The following GNG4 variants were observed in gnomAD, a reference collection of about 807,000 sequenced individuals.
GNG4 encodes guanine nucleotide-binding protein G(I)/G(S)/G(O) subunit gamma-4.
Under a neutral mutation model 5.8 loss-of-function variants are expected in GNG4, and 4 were observed. The ratio of observed to expected loss-of-function variants is 0.69; its 90% CI spans 0.34 to 1.57. GNG4 has a LOEUF of 1.57. GNG4 is among the 40% of genes most tolerant of loss of function. GNG4 has a pLI of 0.06. For synonymous variants in GNG4, 29 were observed against 32.9 expected, an observed-to-expected ratio of 0.88 and a Z score of 0.41; for missense variants, 96 against 95.1, an observed-to-expected ratio of 1.01 and a Z score of -0.04.
At chr1:235,580,739 G>A (rs1199422394) in intron 3 of GNG4, among the ~76,000 whole-genome samples, 4 of 98,048 alleles carry the variant, frequency 4.1e-5, no homozygotes, top group Non-Finnish European at 7.4e-5. Context: ...GGCCTATCCC[G>A]TTTTTTGTTT....
chr1:235,637,163 T>C (rs1558505466), intron 1 of GNG4, among the ~76,000 whole-genome samples: 1 of 152,110 alleles, frequency 6.6e-6, no homozygotes, highest in Non-Finnish European at 1.5e-5. Context: ...CAAATGCTAG[T>C]GATTGCTCCT....
intron 3 of GNG4, among the ~76,000 whole-genome samples, chr1:235,563,435 G>A (rs1032608869): frequency 3.0e-5 from 4 of 134,292 alleles, no homozygotes; most frequent in African/African-American, 5.5e-5. Flanking sequence ...AAAAAAAAGC[G>A]TTTTATCTTT....
chr1:235,594,323 T>C (rs1363935211), intron 2 of GNG4, among the ~76,000 whole-genome samples: 1 of 152,022 alleles, frequency 6.6e-6, no homozygotes, highest in African/African-American at 2.4e-5. Flanking sequence ...TAGCTAGACA[T>C]AAAGTTTCTC....
intron 2 of GNG4, among the ~76,000 whole-genome samples, chr1:235,587,192 T>C (rs556487927): frequency 7.5e-6 from 1 of 133,380 alleles, no homozygotes; most frequent in East Asian, 2.3e-4. Context: ...GGTGAGTGTG[T>C]GTGACAGAAA....
At chr1:235,606,175 C>G (rs914572541) in intron 1 of GNG4, among the ~76,000 whole-genome samples, 1 of 151,694 alleles carries the variant, frequency 6.6e-6, no homozygotes, top group African/African-American at 2.4e-5. Flanking sequence ...GTCAGGAGTT[C>G]GAGACCAGCC....
intron 1 of GNG4, among the ~76,000 whole-genome samples, chr1:235,604,279 G>A (rs1688313783): frequency 1.3e-5 from 2 of 152,320 alleles, no homozygotes; most frequent in Admixed American, 6.5e-5. Context: ...CGAGTCTATC[G>A]CAGCTCTACT....
At position 235,648,308 on chromosome 1, in the gene GNG4, C is replaced by T. The variant is rs1657565213; in HGVS notation, c.-123+1354G>A. ...GTAAACCTTGCATTTGCATTTACAC[C>T]TACTATTTATTAAGTGCCACAGCCA... On this transcript the variant is annotated intron_variant, in intron 1 of 3. Transcript: ENST00000391854. The surrounding 1 kb of genome is among the most constrained non-coding windows in gnomAD (Gnocchi z 5.0). Among the ~76,000 whole-genome samples the T allele has an allele frequency of 6.6e-6, 1 of 152,188 alleles. No homozygotes were observed. Among genetic ancestry groups the T allele is most frequent in the African/African-American group, 2.4e-5 (1 of 41,444 alleles).
At chr1:235,636,306 G>A (rs769334000) in intron 1 of GNG4, among the ~76,000 whole-genome samples, 5 of 152,200 alleles carry the variant, frequency 3.3e-5, no homozygotes, top group Non-Finnish European at 5.9e-5. Flanking sequence ...CCTTCTTCAG[G>A]AACAAGTTTT....
chr1:235,576,291 T>C (rs1687483136), intron 3 of GNG4, among the ~76,000 whole-genome samples: 1 of 151,972 alleles, frequency 6.6e-6, no homozygotes. Context: ...CTCGATCTCC[T>C]GACCTTGAGA....
At chr1:235,638,058 C>T (rs1486666521) in intron 1 of GNG4, among the ~76,000 whole-genome samples, 1 of 152,226 alleles carries the variant, frequency 6.6e-6, no homozygotes, top group Non-Finnish European at 1.5e-5. Context: ...CCAGCTTCAT[C>T]TTCCAATGCT....
intron 3 of GNG4, among the ~76,000 whole-genome samples, chr1:235,571,547 A>T (rs140638452): frequency 3.3e-5 from 5 of 152,316 alleles, no homozygotes; most frequent in African/African-American, 1.2e-4. Context: ...TGGGGGGAGA[A>T]TGTGGGAAAA....
intron 1 of GNG4, among the ~76,000 whole-genome samples, chr1:235,595,750 C>A (rs975783515): frequency 6.6e-6 from 1 of 152,182 alleles, no homozygotes; most frequent in African/African-American, 2.4e-5. Context: ...CCACCCCGGG[C>A]CTCACCAGAC....
chr1:235,575,839 C>T (rs1011195615), intron 3 of GNG4, among the ~76,000 whole-genome samples: 4 of 152,272 alleles, frequency 2.6e-5, no homozygotes, highest in Admixed American at 6.5e-5. Flanking sequence ...TGGAAGGCAG[C>T]GTGGAACCCG....
intron 3 of GNG4, among the ~76,000 whole-genome samples, chr1:235,578,722 C>T (rs565635709): frequency 6.6e-6 from 1 of 152,162 alleles, no homozygotes; most frequent in East Asian, 1.9e-4. Flanking sequence ...GTAAAAAAGT[C>T]AAATTTATAG....
At chr1:235,643,505 G>C (rs1657399553) in intron 1 of GNG4, among the ~76,000 whole-genome samples, 1 of 152,182 alleles carries the variant, frequency 6.6e-6, no homozygotes, top group Admixed American at 6.5e-5. Flanking sequence ...TATCTTATTT[G>C]TTTCCCTGTC....
intron 1 of GNG4, among the ~76,000 whole-genome samples, chr1:235,624,969 G>A (rs1688779653): frequency 6.6e-6 from 1 of 152,184 alleles, no homozygotes; most frequent in African/African-American, 2.4e-5. Context: ...TCAAACGTAG[G>A]TTCAAGGAGG....
At chr1:235,619,192 T>TACAC (rs34692157) in intron 1 of GNG4, among the ~76,000 whole-genome samples, 8 of 129,652 alleles carry the variant, frequency 6.2e-5, no homozygotes, top group African/African-American at 2.3e-4. Flanking sequence ...CACATATATA[T>TACAC]ACACACACAC....
chr1:235,616,905 A>ATTTTTTTTT (rs553175038), intron 1 of GNG4, among the ~76,000 whole-genome samples: 19 of 115,774 alleles, frequency 1.6e-4, no homozygotes, highest in South Asian at 2.9e-4. Context: ...CACCTGGCTA[A>ATTTTTTTTT]TTTTTTTTTT....
chr1:235,567,338 C>T (rs558929680), intron 3 of GNG4, among the ~76,000 whole-genome samples: 21 of 152,242 alleles, frequency 1.4e-4, no homozygotes, highest in African/African-American at 4.6e-4. Flanking sequence ...TCAAATGCAT[C>T]GTCTTAACTA....
Sources: allele counts gnomAD v4.1 joint callset (sites outside exome capture counted in the v4.1 genomes callset), GRCh38; gene constraint gnomAD v4.1.1; non-coding constraint Gnocchi (gnomAD v3.1); transcripts MANE v1.5; gene names NCBI Gene and HGNC (gene_info 2026-07-23, HGNC 2026-07-21).